The following SPATA7 variants were observed in gnomAD, a reference collection of about 807,000 sequenced individuals.
SPATA7 encodes the protein spermatogenesis associated 7.
Under a neutral mutation model 51.8 loss-of-function variants are expected in SPATA7, and 43 were observed. That is an observed-to-expected ratio of 0.83 (90% CI 0.65 to 1.07). The LOEUF (loss-of-function observed/expected upper bound fraction) is 1.07, where lower values mean the gene tolerates loss of function less well. SPATA7 is among the 50% of genes least tolerant of loss of function. The pLI, the probability that SPATA7 is intolerant of heterozygous loss-of-function variation, is 0.00. For synonymous variants in SPATA7, 230 were observed against 252.8 expected (o/e 0.91, Z 0.86); for missense variants, 683 against 701.3 (o/e 0.97, Z 0.30).
chr14:88,412,445 G>A (rs377225778), intron 4 of SPATA7, among the ~76,000 whole-genome samples: 1 of 152,104 alleles, frequency 6.6e-6, no homozygotes. Flanking sequence ...GAAGCATCCA[G>A]CACAGGAGGA....
intron 2 of SPATA7, among the ~76,000 whole-genome samples, chr14:88,392,306 A>G (rs73319887): frequency 0.035 from 5,376 of 152,270 alleles, 313 homozygotes; most frequent in African/African-American, 0.12. Flanking sequence ...AAGAATATAT[A>G]TATAGAGCTG....
At chr14:88,391,171 A>C (rs1278179117) in intron 1 of SPATA7, among the ~76,000 whole-genome samples, 1 of 152,168 alleles carries the variant, frequency 6.6e-6, no homozygotes, top group African/African-American at 2.4e-5. Context: ...TGTTTGGGGG[A>C]TAAAGCATTT....
chr14:88,400,884 C>A (rs537613953), intron 4 of SPATA7, among the ~76,000 whole-genome samples: 2 of 151,952 alleles, frequency 1.3e-5, no homozygotes, highest in Admixed American at 1.3e-4. Context: ...AAGAATAGCC[C>A]AGGACCAGAT....
downstream of SPATA7, among the ~76,000 whole-genome samples, chr14:88,458,177 T>A (rs1378159467): frequency 6.6e-6 from 1 of 152,180 alleles, no homozygotes; most frequent in Non-Finnish European, 1.5e-5. Context: ...GGGATATTGG[T>A]CTAAAATTCT....
At chr14:88,434,643 G>A (rs1312145318) in intron 10 of SPATA7, among the ~76,000 whole-genome samples, 1 of 147,474 alleles carries the variant, frequency 6.8e-6, no homozygotes, top group African/African-American at 2.5e-5. Context: ...CTGAGATCGC[G>A]CCACCGCACT....
At chr14:88,403,641 C>T (rs768258521) in intron 4 of SPATA7, among the ~76,000 whole-genome samples, 3 of 152,082 alleles carry the variant, frequency 2.0e-5, no homozygotes, top group Admixed American at 1.3e-4. Context: ...AGTGAGATCA[C>T]GTGGTACTTG....
chr14:88,390,845 T>C (rs1337627557), intron 1 of SPATA7, among the ~76,000 whole-genome samples: 1 of 152,226 alleles, frequency 6.6e-6, no homozygotes, highest in Non-Finnish European at 1.5e-5. Flanking sequence ...GCTCATTTCA[T>C]GACTATCTTT....
intron 4 of SPATA7, among the ~76,000 whole-genome samples, chr14:88,404,709 C>G (rs975066554): frequency 2.0e-5 from 3 of 152,212 alleles, no homozygotes; most frequent in Admixed American, 2.0e-4. Context: ...AAGAGTGAAA[C>G]TCTGTCTCAA....
chr14:88,404,185 T>C (rs997619480), intron 4 of SPATA7, among the ~76,000 whole-genome samples: 1 of 152,182 alleles, frequency 6.6e-6, no homozygotes, highest in Non-Finnish European at 1.5e-5. Context: ...TATCTTGTTA[T>C]AAGATAGAAA....
At chr14:88,420,461 A>T (rs1442792351) in intron 5 of SPATA7, among the ~76,000 whole-genome samples, 2 of 152,178 alleles carry the variant, frequency 1.3e-5, no homozygotes, top group Non-Finnish European at 2.9e-5. Context: ...AAAATCATTA[A>T]TGTGCAGATC....
At position 88,404,717 on chromosome 14, in the gene SPATA7, C is replaced by CA. The variant is rs530269130; in HGVS notation, c.238+8522dup. Among the ~76,000 whole-genome samples the CA allele has an allele frequency of 1.2e-3, 186 of 151,512 alleles. 1 individual carries two copies. The highest frequency in any genetic ancestry group is 2.0e-3 in the Non-Finnish European group (138 of 67,858). ...GGGCAACAAGAGTGAAACTCTGTCT[C>CA]AAAAAAAATAAAGTCAAAATCACAA... On this transcript the variant is annotated intron_variant, in intron 4 of 11. Coordinates refer to ENST00000393545, the MANE Select transcript of SPATA7 (RefSeq NM_018418.5).
intron 5 of SPATA7, among the ~76,000 whole-genome samples, chr14:88,424,308 G>T (rs1173010193): frequency 6.6e-6 from 1 of 152,092 alleles, no homozygotes; most frequent in Non-Finnish European, 1.5e-5. Flanking sequence ...TAGTCTACTG[G>T]TTTCCAAGGA....
In SPATA7 at chr14:88,469,370, C is replaced by G. The variant is rs2077418133; in HGVS notation, c.255-477C>G. The G allele has an allele frequency of 5.6e-6, 5 of 890,642 alleles. No individual in the cohort carries two copies. The South Asian group carries it at 6.9e-5, about 12-fold the overall frequency. The allele number at this position is 890,642 out of a possible 1,614,324, so 55.2% of individuals were successfully genotyped here. ...TAACCCTCCCCAAAACACTTGTATT[C>G]TTTATGTTAAAACAAGTCCGAAGCT... is the stretch of plus-strand genomic sequence containing the variant. On this transcript the variant is annotated intron_variant, in intron 4 of 4. Coordinates refer to the SPATA7 transcript ENST00000556406. The surrounding 1 kb of genome is among the most constrained non-coding windows in gnomAD (Gnocchi z 4.3).
chr14:88,460,484 C>T (rs890905880), intron 4 of SPATA7, among the ~76,000 whole-genome samples: 4 of 152,204 alleles, frequency 2.6e-5, no homozygotes, highest in African/African-American at 9.7e-5. Context: ...GATACCCTTT[C>T]TTCCAGTTGA....
At chr14:88,441,309 C>T (rs1268249330), downstream of SPATA7, among the ~76,000 whole-genome samples, 5 of 152,060 alleles carry the variant, frequency 3.3e-5, no homozygotes, top group Non-Finnish European at 4.4e-5. Context: ...TATAAACATG[C>T]GTGTGCAAGT....
At chr14:88,462,274 C>G (rs1212812064) in intron 4 of SPATA7, among the ~76,000 whole-genome samples, 1 of 151,954 alleles carries the variant, frequency 6.6e-6, no homozygotes, top group Non-Finnish European at 1.5e-5. Context: ...GTTTATATTC[C>G]CTGTTCATTT....
chr14:88,434,097 T>C (rs74075024), intron 10 of SPATA7, among the ~76,000 whole-genome samples: 3,757 of 152,190 alleles, frequency 0.025, 162 homozygotes, highest in African/African-American at 0.085. Flanking sequence ...TTAAAAATGG[T>C]TAAGATGATA....
chr14:88,398,005 C>G (rs2075939191), intron 4 of SPATA7, among the ~76,000 whole-genome samples: 2 of 151,772 alleles, frequency 1.3e-5, no homozygotes, highest in African/African-American at 4.8e-5. Flanking sequence ...TGGCGTGAAC[C>G]CGGGAGGTGG....
Position 88,469,411 on chromosome 14 carries a change from A to T in SPATA7, c.255-436A>T. On this transcript the variant is annotated intron_variant, in intron 4 of 4. Coordinates refer to the SPATA7 transcript ENST00000556406. The surrounding 1 kb of genome is among the most constrained non-coding windows in gnomAD (Gnocchi z 4.3). The stretch of plus-strand genomic sequence containing the variant: ...GTCCGAAGCTTATATGAGATAACAT[A>T]AAGGAAATATTTCGGAAACATAAAT... The T allele has an allele frequency of 1.7e-6, 2 of 1,181,240 alleles. No individual in the cohort carries two copies. The highest frequency in any genetic ancestry group is 2.5e-6 in the Non-Finnish European group (2 of 813,216). 73.2% of individuals were successfully genotyped at this position (1,181,240 alleles called of 1,614,324 possible). A position where few individuals can be genotyped will look rare whatever the true frequency, so the allele number is the denominator to read the frequency against.
Sources: gnomAD v4.1 joint callset for allele counts (sites outside exome capture counted in the v4.1 genomes callset) on GRCh38, gnomAD v4.1.1 for gene constraint, Gnocchi (gnomAD v3.1) non-coding constraint, MANE v1.5 for transcripts, NCBI Gene and HGNC (gene_info 2026-07-23, HGNC 2026-07-21) for gene names.